Variants in BIRC6 observed in about 807,000 individuals in gnomAD.
BIRC6 encodes the protein baculoviral IAP repeat containing 6, also known as dual E2 ubiquitin-conjugating enzyme/E3 ubiquitin-protein ligase BIRC6.
In BIRC6, 98 loss-of-function variants were observed where a neutral mutation model predicts 503.3. The ratio of observed to expected loss-of-function variants is 0.19; its 90% CI spans 0.17 to 0.23. The LOEUF is 0.23. Ranked by LOEUF, BIRC6 falls within the 10% of genes least tolerant of loss-of-function variation. BIRC6 has a pLI of 1.00. For synonymous variants in BIRC6, 2,240 were observed against 2,078.7 expected (o/e 1.08, Z -2.11); for missense variants, 5,360 against 5,806.0 (o/e 0.92, Z 2.50).
rs184075074 is a variant in BIRC6 at position 32,362,466 on chromosome 2, C to G, written c.325+4980C>G. 5.6e-3 allele frequency among the ~76,000 whole-genome samples: 849 copies of G among 152,028 alleles called. 9 individuals are homozygous for G. Among genetic ancestry groups the G allele is most frequent in the African/African-American group, 0.019 (794 of 41,458 alleles). On this transcript the variant is annotated intron_variant, in intron 1 of 73. Transcript: ENST00000421745. ...AACTAGCTGGGACTACAGGTGCCCC[C>G]CACCAGACCCGGCTAATTTTTTTTT...
chr2:32,600,603 T>G (rs139891988), intron 70 of BIRC6, among the ~76,000 whole-genome samples: 1 of 152,304 alleles, frequency 6.6e-6, no homozygotes, highest in African/African-American at 2.4e-5. Flanking sequence ...AATAGCAACA[T>G]TGACTTTACT....
At position 32,513,091 on chromosome 2, in the gene BIRC6, G is replaced by A; in HGVS notation, c.10505G>A (p.Trp3502Ter). The change falls in exon 54 of 74, where the codon TGG (tryptophan) becomes TAG (stop). Residue 3502 changes from tryptophan to a stop codon, truncating the protein, a stop_gained. Coordinates refer to ENST00000421745, the MANE Select transcript of BIRC6 (RefSeq NM_016252.4). LOFTEE classifies it high-confidence loss of function. Reference protein sequence around the residue: ...SHLHCVAAILWHSYELLVEYD... With the variant: ...SHLHCVAAIL Reference sequence around the variant, plus strand: ...TTGCACTGTGTAGCAGCCATTCTGTGGCATAGTTATGAGCTGCTTGTAGAA... The same window carrying A: ...TTGCACTGTGTAGCAGCCATTCTGTAGCATAGTTATGAGCTGCTTGTAGAA... 1 of 1,613,830 alleles carries A rather than the reference G, an allele frequency of 6.2e-7. No individual in the cohort carries two copies. Among genetic ancestry groups the A allele is most frequent in the Non-Finnish European group, 8.5e-7 (1 of 1,179,834 alleles).
Position 32,442,341 on chromosome 2 carries a change from A to T in BIRC6, c.4124A>T (p.Glu1375Val). 6.2e-7 allele frequency: 1 copy of T among 1,613,108 alleles called. No homozygotes were observed. Among genetic ancestry groups the T allele is most frequent in the Non-Finnish European group, 8.5e-7 (1 of 1,179,460 alleles). Reference protein sequence around the residue: ...NGPGSSKEGNENLLSKTRKFL... With the variant: ...NGPGSSKEGNVNLLSKTRKFL... ...TTTTGCAGCTCAAAGGAAGGAAATG[A>T]GAACCTACTTTCAAAAACACGAAAA... Residue 1375 changes from glutamate (E) to valine (V), a missense_variant, in exon 19 of 74, where the codon GAG becomes GTG. Transcript: ENST00000421745.
At chr2:32,504,867 G>T (rs1286662466) in intron 49 of BIRC6, 138 bp from the exon 50 acceptor site, 2 of 757,270 alleles carry the variant, frequency 2.6e-6, no homozygotes, top group Non-Finnish European at 4.3e-6. Context: ...TCATGCTTAG[G>T]ATACTAAGTG....
At chr2:32,606,441 A>T (rs1341088632) in intron 71 of BIRC6, among the ~76,000 whole-genome samples, 1 of 151,482 alleles carries the variant, frequency 6.6e-6, no homozygotes, top group Non-Finnish European at 1.5e-5. Flanking sequence ...TTAAAAAAAA[A>T]AATTAGCCCT....
intron 63 of BIRC6, among the ~76,000 whole-genome samples, chr2:32,547,339 C>G (rs888164380): frequency 6.6e-6 from 1 of 151,980 alleles, no homozygotes; most frequent in African/African-American, 2.4e-5. Flanking sequence ...TTCATTCATT[C>G]TTAAATATAA....
chr2:32,469,341 A>G lies in BIRC6; in HGVS notation c.6128-54A>G, dbSNP rs1490857532. The G allele has an allele frequency of 2.1e-5, 28 of 1,327,190 alleles. No individual in the cohort carries two copies. The Admixed American group carries it at 2.8e-4, about 13-fold the overall frequency. 82.2% of individuals were successfully genotyped at this position (1,327,190 alleles called of 1,614,324 possible). A position where few individuals can be genotyped will look rare whatever the true frequency, so the allele number is the denominator to read the frequency against. On this transcript the variant is annotated intron_variant, in intron 29 of 73. Coordinates refer to ENST00000421745, the MANE Select transcript of BIRC6 (RefSeq NM_016252.4). ...AGTGTATTTAGGCATGCGTATTTTA[A>G]TATTATACAATACATTTAAATAGGA... is the stretch of plus-strand genomic sequence containing the variant.
intron 14 of BIRC6, 132 bp from the exon 15 acceptor site, chr2:32,435,921 T>C (rs2044645249): frequency 3.7e-6 from 2 of 547,666 alleles, no homozygotes. Context: ...GCATGACAAT[T>C]CTTATTTTAA....
At chr2:32,421,672 C>T (rs555345801) in intron 10 of BIRC6, among the ~76,000 whole-genome samples, 6 of 152,280 alleles carry the variant, frequency 3.9e-5, no homozygotes, top group African/African-American at 1.2e-4. Context: ...GGATCTCAAA[C>T]TTATTTCCAT....
chr2:32,398,948 C>A (rs2040288779), intron 6 of BIRC6, among the ~76,000 whole-genome samples: 1 of 151,962 alleles, frequency 6.6e-6, no homozygotes, highest in Non-Finnish European at 1.5e-5. Flanking sequence ...GTTGTAGGTG[C>A]ATTGTAAAAA....
chr2:32,368,466 G>C (rs1471318070), intron 1 of BIRC6, among the ~76,000 whole-genome samples: 1 of 152,062 alleles, frequency 6.6e-6, no homozygotes, highest in African/African-American at 2.4e-5. Flanking sequence ...CTTGAACCCA[G>C]GCGGCAGAGG....
intron 9 of BIRC6, among the ~76,000 whole-genome samples, chr2:32,408,434 T>A (rs866447470): frequency 2.0e-4 from 31 of 152,270 alleles, no homozygotes; most frequent in South Asian, 6.2e-4. Context: ...TTTCAAAAAA[T>A]AACTCCTTGG....
chr2:32,367,786 A>G (rs1330965549), intron 1 of BIRC6, among the ~76,000 whole-genome samples: 6 of 152,192 alleles, frequency 3.9e-5, no homozygotes, highest in African/African-American at 1.4e-4. Flanking sequence ...ACTGCACTCC[A>G]GTCTGGGCGA....
At chr2:32,370,181 A>T (rs2035727992) in intron 1 of BIRC6, among the ~76,000 whole-genome samples, 1 of 151,826 alleles carries the variant, frequency 6.6e-6, no homozygotes, top group Non-Finnish European at 1.5e-5. Context: ...TGAACAATGT[A>T]TATGAAGAAA....
chr2:32,503,944 C>T lies in BIRC6; in HGVS notation c.9499+708C>T, dbSNP rs115146739. ...TGGAGTGCAGTGGCACAGTGTCTCC[C>T]GGGTTCAGGCAATTCTCATGCCTCA... On this transcript the variant is annotated intron_variant, in intron 49 of 73. Transcript: ENST00000421745. Among the ~76,000 whole-genome samples, 287 of 143,630 alleles carry T rather than the reference C, an allele frequency of 2.0e-3. 2 individuals are homozygous for T. The highest frequency in any genetic ancestry group is 7.2e-3 in the African/African-American group (275 of 38,414). The allele number at this position is 143,630 out of a possible 152,430, so 94.2% of individuals were successfully genotyped here.
At chr2:32,529,377 A>T in intron 59 of BIRC6, 2 of 294,790 alleles carry the variant, frequency 6.8e-6, no homozygotes, top group Non-Finnish European at 1.3e-5. Flanking sequence ...ATAGAAAAAA[A>T]TGTCCCACAT....
At chr2:32,442,511 G>A (rs542860434) in intron 19 of BIRC6, 56 bp downstream of exon 19, 5 of 1,491,884 alleles carry the variant, frequency 3.4e-6, no homozygotes, top group Non-Finnish European at 3.6e-6. Flanking sequence ...CAATTTAGTG[G>A]GTGATACCTT....
chr2:32,460,420 G>T (rs530887732), intron 23 of BIRC6, among the ~76,000 whole-genome samples: 1 of 150,396 alleles, frequency 6.6e-6, no homozygotes, highest in Admixed American at 6.6e-5. Flanking sequence ...GGGATTACAG[G>T]TGCCCACCAC....
At chr2:32,371,616 C>T (rs999667743) in intron 1 of BIRC6, among the ~76,000 whole-genome samples, 1 of 152,134 alleles carries the variant, frequency 6.6e-6, no homozygotes, top group African/African-American at 2.4e-5. Context: ...CTCCTGAGCT[C>T]AGGCAATCCG....
Sources: allele counts gnomAD v4.1 joint callset (sites outside exome capture counted in the v4.1 genomes callset), GRCh38; gene constraint gnomAD v4.1.1; transcripts MANE v1.5; gene names NCBI Gene and HGNC (gene_info 2026-07-23, HGNC 2026-07-21).